Variants in FSTL4 observed in about 807,000 individuals in gnomAD.
FSTL4 encodes follistatin-related protein 4.
Under a neutral mutation model 78.2 loss-of-function variants are expected in FSTL4, and 28 were observed. The observed-to-expected ratio is 0.36, with a 90% CI of 0.27 to 0.49. FSTL4 has a LOEUF of 0.49. Among genes scored for constraint, FSTL4 ranks in the 20% least tolerant of loss-of-function variants. The pLI, the probability that FSTL4 is intolerant of heterozygous loss-of-function variation, is 0.98. For missense variants in FSTL4, 922 were observed against 1,084.9 expected, an observed-to-expected ratio of 0.85 and a Z score of 2.11; for synonymous variants, 422 against 440.5, an observed-to-expected ratio of 0.96 and a Z score of 0.53.
the FSTL4 span, among the ~76,000 whole-genome samples, chr5:133,748,066 T>G: frequency 6.6e-6 from 1 of 151,982 alleles, no homozygotes; most frequent in African/African-American, 2.4e-5. Flanking sequence ...TGGTGGCACG[T>G]GCCTGTAGTC....
chr5:133,603,997 T>C lies in FSTL4; in HGVS notation c.-10-4A>G, dbSNP rs779038482. ...TCCTGGTTTCATTTTGATGAGTCTG[T>C]TGAAGAAATGACAAATGCTGAGAAT... On this transcript the variant is annotated splice_polypyrimidine_tract_variant and splice_region_variant and intron_variant, in intron 1 of 15. Transcript: ENST00000265342. 4 of 1,601,938 alleles carry C rather than the reference T, an allele frequency of 2.5e-6. No individual in the cohort carries two copies. The African/African-American group carries it at 4.0e-5, about 16-fold the overall frequency.
At chr5:133,515,313 G>A (rs533605704) in intron 3 of FSTL4, among the ~76,000 whole-genome samples, 42 of 151,988 alleles carry the variant, frequency 2.8e-4, no homozygotes, top group African/African-American at 9.6e-4. Context: ...GATCACTTGA[G>A]GTCAGGAGGT....
In FSTL4 at chr5:133,236,099, G is replaced by A. The variant is rs888102919; in HGVS notation, c.895-2562C>T. ...CAGAGCTGCTTGCAGGGAGCCTGGCGCTGTGGACCTGCTGGCATTTTCCCT... is the reference window on the plus strand; with the variant it reads ...CAGAGCTGCTTGCAGGGAGCCTGGCACTGTGGACCTGCTGGCATTTTCCCT... On this transcript the variant is annotated intron_variant, in intron 7 of 15. Coordinates refer to ENST00000265342, the MANE Select transcript of FSTL4 (RefSeq NM_015082.2). This position sits in a 1 kb window ranked among gnomAD's most constrained non-coding sequence, Gnocchi z 5.0. 4.6e-5 allele frequency among the ~76,000 whole-genome samples: 7 copies of A among 152,118 alleles called. No homozygotes were observed. The highest frequency in any genetic ancestry group is 1.4e-4 in the African/African-American group (6 of 41,418).
At chr5:133,296,629 C>G (rs1048608293) in intron 6 of FSTL4, among the ~76,000 whole-genome samples, 6 of 152,186 alleles carry the variant, frequency 3.9e-5, no homozygotes, top group African/African-American at 1.4e-4. Flanking sequence ...GCTCACATAG[C>G]CCCTCTGGAT....
At chr5:133,517,501 A>ACACACACC (rs1758888250) in intron 3 of FSTL4, among the ~76,000 whole-genome samples, 1 of 126,200 alleles carries the variant, frequency 7.9e-6, no homozygotes, top group African/African-American at 3.0e-5. Flanking sequence ...ACACACACAC[A>ACACACACC]CACACACACA....
chr5:133,762,270 G>C, the FSTL4 span, among the ~76,000 whole-genome samples: 1 of 152,152 alleles, frequency 6.6e-6, no homozygotes, highest in Non-Finnish European at 1.5e-5. Flanking sequence ...AATGCAAAGA[G>C]GGTCTTTCCA....
chr5:133,548,212 G>A (rs977574413), intron 3 of FSTL4, among the ~76,000 whole-genome samples: 1 of 152,158 alleles, frequency 6.6e-6, no homozygotes, highest in South Asian at 2.1e-4. Flanking sequence ...AAACCTAAGG[G>A]TGTCATGGAA....
chr5:133,249,982 G>C (rs145627119), intron 6 of FSTL4, among the ~76,000 whole-genome samples: 1 of 152,340 alleles, frequency 6.6e-6, no homozygotes, highest in East Asian at 1.9e-4. Flanking sequence ...TGCAGACAAG[G>C]TCTGCTGAGT....
chr5:133,660,012 T>C, the FSTL4 span, among the ~76,000 whole-genome samples: 18 of 152,182 alleles, frequency 1.2e-4, no homozygotes, highest in African/African-American at 4.1e-4. Flanking sequence ...AGTTAGGGGC[T>C]TAGAGAACGA....
chr5:133,209,393 TGA>T (rs150058257), intron 14 of FSTL4, among the ~76,000 whole-genome samples: 27 of 150,394 alleles, frequency 1.8e-4, no homozygotes, highest in Admixed American at 2.6e-4. Flanking sequence ...CCTTGGGTTC[TGA>T]GAGAGAGAGA....
the FSTL4 span, among the ~76,000 whole-genome samples, chr5:133,816,394 C>T: frequency 2.5e-3 from 375 of 152,312 alleles, no homozygotes; most frequent in African/African-American, 8.5e-3. Context: ...TCTGCTGATT[C>T]GGATCCTTCC....
At chr5:133,539,629 C>T (rs531810518) in intron 3 of FSTL4, among the ~76,000 whole-genome samples, 77 of 152,236 alleles carry the variant, frequency 5.1e-4, no homozygotes, top group African/African-American at 1.7e-3. Flanking sequence ...ATTAGGGCTC[C>T]GGTCGACTCC....
intron 14 of FSTL4, among the ~76,000 whole-genome samples, chr5:133,207,281 T>TC (rs1439529038): frequency 3.9e-5 from 6 of 152,250 alleles, no homozygotes; most frequent in African/African-American, 1.4e-4. Context: ...TTGATATAGA[T>TC]CAGCTGTTCA....
At chr5:133,315,753 C>T (rs142735474) in intron 5 of FSTL4, among the ~76,000 whole-genome samples, 10 of 152,318 alleles carry the variant, frequency 6.6e-5, no homozygotes, top group African/African-American at 2.4e-4. Context: ...CAGGCCCCTC[C>T]AGCCCACCCC....
intron 3 of FSTL4, among the ~76,000 whole-genome samples, chr5:133,526,876 A>C (rs1759112756): frequency 6.6e-6 from 1 of 152,190 alleles, no homozygotes; most frequent in East Asian, 1.9e-4. Context: ...TTGAGTGGAC[A>C]GAGTTGCCAG....
At chr5:133,321,359 G>T (rs1265433644) in intron 4 of FSTL4, among the ~76,000 whole-genome samples, 1 of 152,226 alleles carries the variant, frequency 6.6e-6, no homozygotes, top group African/African-American at 2.4e-5. Flanking sequence ...TGTGTGTGTT[G>T]GGCCTGGCTC....
chr5:133,768,728 G>A, the FSTL4 span, among the ~76,000 whole-genome samples: 34 of 152,368 alleles, frequency 2.2e-4, no homozygotes, highest in East Asian at 4.4e-3. Context: ...GAGCCACTGG[G>A]CAGCAGAAAG....
At chr5:133,537,797 TACAC>T (rs759757767) in intron 3 of FSTL4, among the ~76,000 whole-genome samples, 17 of 148,450 alleles carry the variant, frequency 1.1e-4, no homozygotes, top group Admixed American at 3.4e-4. Flanking sequence ...TATATATATA[TACAC>T]ACACACACAC....
At chr5:133,593,809 C>G (rs1448585904) in intron 2 of FSTL4, among the ~76,000 whole-genome samples, 1 of 152,194 alleles carries the variant, frequency 6.6e-6, no homozygotes, top group African/African-American at 2.4e-5. Context: ...ACATTATATA[C>G]AGACTAGAAA....
Sources: allele counts gnomAD v4.1 joint callset (sites outside exome capture counted in the v4.1 genomes callset), GRCh38; gene constraint gnomAD v4.1.1; non-coding constraint Gnocchi (gnomAD v3.1); transcripts MANE v1.5; gene names NCBI Gene and HGNC (gene_info 2026-07-23, HGNC 2026-07-21).